CRTAC1: variants seen among roughly 807,000 people sequenced by gnomAD.
CRTAC1 encodes the protein acidic secreted protein in cartilage.
CRTAC1 carries 37 observed loss-of-function variants against 67.8 expected under a neutral mutation model. The observed-to-expected ratio is 0.55, with a 90% CI of 0.42 to 0.72. The LOEUF is 0.72. Ranked by LOEUF, CRTAC1 falls within the 30% of genes least tolerant of loss-of-function variation. The probability of loss-of-function intolerance (pLI) is 0.00; values close to 1 mark genes in which losing one functional copy is unlikely to be tolerated. For synonymous variants in CRTAC1, 348 were observed against 371.0 expected, an observed-to-expected ratio of 0.94 and a Z score of 0.71; for missense variants, 780 against 931.6, an observed-to-expected ratio of 0.84 and a Z score of 2.12.
intron 2 of CRTAC1, among the ~76,000 whole-genome samples, chr10:97,990,432 C>G (rs910012699): frequency 2.0e-5 from 3 of 152,180 alleles, no homozygotes; most frequent in African/African-American, 7.2e-5. Flanking sequence ...TATATATCAC[C>G]TCTTGATTAT....
chr10:97,974,835 A>G (rs1160474354), intron 2 of CRTAC1, among the ~76,000 whole-genome samples: 1 of 152,176 alleles, frequency 6.6e-6, no homozygotes, highest in African/African-American at 2.4e-5. Flanking sequence ...TATATTTAGT[A>G]ACGACCTTAA....
intron 2 of CRTAC1, among the ~76,000 whole-genome samples, chr10:98,006,178 A>G (rs1211496569): frequency 6.6e-6 from 1 of 152,238 alleles, no homozygotes; most frequent in Non-Finnish European, 1.5e-5. Flanking sequence ...GATTGACACC[A>G]ACAGGAATTC....
Position 98,029,798 on chromosome 10 carries a change from G to A in CRTAC1, c.24+651C>T, listed in dbSNP as rs576274263. 6.8e-4 allele frequency among the ~76,000 whole-genome samples: 103 copies of A among 152,320 alleles called. 1 individual carries two copies. Among genetic ancestry groups the A allele is most frequent in the Admixed American group, 5.2e-3 (79 of 15,308 alleles). ...CCCACGGGGTCGAGGAGGACTCAGG[G>A]TTCCCCTGGAATGCCTGAAGCCGGC... On this transcript the variant is annotated intron_variant, in intron 1 of 14. Transcript: ENST00000370597. This position sits in a 1 kb window ranked among gnomAD's most constrained non-coding sequence, Gnocchi z 4.7.
At chr10:97,885,068 C>A (rs532108130) in intron 11 of CRTAC1, among the ~76,000 whole-genome samples, 1 of 152,266 alleles carries the variant, frequency 6.6e-6, no homozygotes, top group East Asian at 1.9e-4. Context: ...AACAGATGAA[C>A]AAATAAATAA....
chr10:98,005,507 C>T (rs1041564997), intron 2 of CRTAC1, among the ~76,000 whole-genome samples: 5 of 151,770 alleles, frequency 3.3e-5, no homozygotes, highest in Admixed American at 3.3e-4. Flanking sequence ...TAAAATGTTA[C>T]ACACCACAAC....
intron 2 of CRTAC1, among the ~76,000 whole-genome samples, chr10:97,969,250 G>A (rs1329201555): frequency 6.6e-6 from 1 of 152,170 alleles, no homozygotes; most frequent in Non-Finnish European, 1.5e-5. Flanking sequence ...GGGGGAGGAG[G>A]AGCTTCTAGA....
At chr10:97,957,127 T>C (rs1165377126) in intron 2 of CRTAC1, among the ~76,000 whole-genome samples, 1 of 152,150 alleles carries the variant, frequency 6.6e-6, no homozygotes, top group Non-Finnish European at 1.5e-5. Flanking sequence ...GGCACTTATG[T>C]TAAGAGAAGG....
chr10:98,023,918 A>G (rs936881329), intron 1 of CRTAC1, among the ~76,000 whole-genome samples: 7 of 152,160 alleles, frequency 4.6e-5, no homozygotes, highest in African/African-American at 1.7e-4. Flanking sequence ...AAAAACACCA[A>G]CCAAGGCTGT....
In CRTAC1 at chr10:97,955,918, T is replaced by C. The variant is rs114678937; in HGVS notation, c.225-19552A>G. Among the ~76,000 whole-genome samples the C allele has an allele frequency of 1.3e-3, 197 of 152,382 alleles. 1 individual carries two copies. Among genetic ancestry groups the C allele is most frequent in the African/African-American group, 4.5e-3 (186 of 41,596 alleles). On this transcript the variant is annotated intron_variant, in intron 2 of 14. Transcript: ENST00000370597. ...AACACCACAGGGAGCTGTGGGGCTT[T>C]CTTGATATCTTTGATAATCACACAG...
chr10:97,878,601 T>C, intron 14 of CRTAC1: 1 of 1,302,776 alleles, frequency 7.7e-7, no homozygotes. Flanking sequence ...GCATATTCTG[T>C]GGCGTTACAT....
At chr10:97,955,917 T>C (rs1407812976) in intron 2 of CRTAC1, among the ~76,000 whole-genome samples, 4 of 152,222 alleles carry the variant, frequency 2.6e-5, no homozygotes, top group African/African-American at 7.2e-5. Flanking sequence ...CTGTGGGGCT[T>C]TCTTGATATC....
At chr10:97,938,194 C>T (rs140444713) in intron 2 of CRTAC1, among the ~76,000 whole-genome samples, 106 of 152,244 alleles carry the variant, frequency 7.0e-4, no homozygotes, top group Non-Finnish European at 1.2e-3. Flanking sequence ...ATGTCCAGGG[C>T]GTGGCATGAC....
At chr10:97,909,968 C>T (rs962884164) in intron 5 of CRTAC1, among the ~76,000 whole-genome samples, 1 of 152,040 alleles carries the variant, frequency 6.6e-6, no homozygotes, top group South Asian at 2.1e-4. Context: ...GAAGCAAATA[C>T]CACATGATCT....
At chr10:98,005,586 A>G (rs1228292317) in intron 2 of CRTAC1, among the ~76,000 whole-genome samples, 1 of 151,464 alleles carries the variant, frequency 6.6e-6, no homozygotes, top group African/African-American at 2.4e-5. Flanking sequence ...GTGTGCATAT[A>G]TATATATTTC....
At chr10:97,951,414 A>G (rs1158146673) in intron 2 of CRTAC1, among the ~76,000 whole-genome samples, 1 of 152,226 alleles carries the variant, frequency 6.6e-6, no homozygotes, top group Non-Finnish European at 1.5e-5. Flanking sequence ...CTTGCTTAAA[A>G]AATTTATGTA....
At chr10:98,009,203 T>C (rs1427199360) in intron 2 of CRTAC1, among the ~76,000 whole-genome samples, 2 of 152,252 alleles carry the variant, frequency 1.3e-5, no homozygotes, top group Non-Finnish European at 2.9e-5. Flanking sequence ...AATTCAAATG[T>C]GGCTATTTTT....
At chr10:97,999,038 A>G (rs967115867) in intron 2 of CRTAC1, among the ~76,000 whole-genome samples, 1 of 152,252 alleles carries the variant, frequency 6.6e-6, no homozygotes, top group Non-Finnish European at 1.5e-5. Context: ...TGGCAGAGAC[A>G]GGCCATCTGG....
chr10:97,994,965 C>A (rs1034957947), intron 2 of CRTAC1, among the ~76,000 whole-genome samples: 1 of 152,196 alleles, frequency 6.6e-6, no homozygotes, highest in African/African-American at 2.4e-5. Flanking sequence ...CTTCCACTGC[C>A]CAATCATGGA....
intron 2 of CRTAC1, among the ~76,000 whole-genome samples, chr10:97,974,309 CT>C (rs1191898500): frequency 6.6e-6 from 1 of 152,182 alleles, no homozygotes; most frequent in Non-Finnish European, 1.5e-5. Context: ...GGCTCCCCCC[CT>C]GCTGCGTAAC....
Sources: gnomAD v4.1 joint callset for allele counts (sites outside exome capture counted in the v4.1 genomes callset) on GRCh38, gnomAD v4.1.1 for gene constraint, Gnocchi (gnomAD v3.1) non-coding constraint, MANE v1.5 for transcripts, NCBI Gene and HGNC (gene_info 2026-07-23, HGNC 2026-07-21) for gene names.